Variants in CHPF2 observed in about 807,000 individuals in gnomAD.
CHPF2 encodes chondroitin polymerizing factor 2, non-catalytic subunit.
A neutral mutation model predicts 63.0 loss-of-function variants in CHPF2; 58 were observed. That is an observed-to-expected ratio of 0.92 (90% CI 0.75 to 1.15). CHPF2 has a LOEUF of 1.15. Among genes scored for constraint, CHPF2 ranks in the 50% most tolerant of loss-of-function variants. The pLI, the probability that CHPF2 is intolerant of heterozygous loss-of-function variation, is 0.00. For synonymous variants in CHPF2, 442 were observed against 438.0 expected (o/e 1.01, Z -0.11); for missense variants, 1,045 against 1,035.4 (o/e 1.01, Z -0.13).
In CHPF2 at chr7:151,237,967, C is replaced by T. The variant is rs1269230368; in HGVS notation, c.1605C>T (p.Gly535=). The T allele has an allele frequency of 1.2e-5, 20 of 1,613,172 alleles. No individual in the cohort carries two copies. The highest frequency in any genetic ancestry group is 1.5e-5 in the Non-Finnish European group (18 of 1,180,032). ...TGGTCTACGGGCCACGAGAAGGTGG[C>T]CGTGGAGCTCCAGACCCATTTCTTG... ...LLLVYGPREG[G]RGAPDPFLGV... The change falls in exon 4 of 4, where the codon GGC becomes GGT. Residue 535 remains glycine, a synonymous_variant. Transcript: ENST00000035307.
chr7:151,238,675 C>A lies in CHPF2; in HGVS notation c.2313C>A (p.Ser771Arg). Reference sequence around the variant, plus strand: ...TCTTTGAGCAGGAGCAGGCCAATAGCACTTAGCCCGCCTGGGGGCCCTAAC... The same window carrying A: ...TCTTTGAGCAGGAGCAGGCCAATAGAACTTAGCCCGCCTGGGGGCCCTAAC... ...MALFEQEQAN[S>R]T The change falls in exon 4 of 4, where the codon AGC (serine) becomes AGA (arginine). Residue 771 changes from serine (S) to arginine (R), a missense_variant. Physicochemically the swap from Ser to Arg is moderately radical, Grantham distance 110. Transcript: ENST00000035307. The A allele has an allele frequency of 6.2e-7, 1 of 1,608,788 alleles. No homozygotes were observed. The highest frequency in any genetic ancestry group is 2.2e-5 in the East Asian group (1 of 44,706).
chr7:151,235,132 G>C lies in CHPF2; in HGVS notation c.348G>C (p.Leu116Phe), dbSNP rs1257823484. ...VLTSRATLST[L>F]AVAVNRTVAH... ...CCTCCCGAGCTACACTGTCCACTTT[G>C]GCCGTGGCTGTGAACCGTACGGTGG... The change falls in exon 2 of 4, where the codon TTG becomes TTC. Residue 116 changes from leucine (L) to phenylalanine (F), a missense_variant. Transcript: ENST00000035307. 1.2e-5 allele frequency: 19 copies of C among 1,611,536 alleles called. No homozygotes were observed. The highest frequency in any genetic ancestry group is 1.5e-5 in the Non-Finnish European group (18 of 1,178,408).
intron 2 of CHPF2, 98 bp from the exon 3 acceptor site, chr7:151,236,310 C>T (rs1378503973): frequency 3.1e-5 from 33 of 1,065,880 alleles, no homozygotes; most frequent in Non-Finnish European, 4.2e-5. Context: ...TGTTCTAACG[C>T]AGCAGTGCTA....
rs1802517339 is a variant in CHPF2, at chr7:151,233,025, G to A, written c.-987G>A. 1 of 1,265,132 alleles carries A rather than the reference G, an allele frequency of 7.9e-7. No homozygotes were observed. Among genetic ancestry groups the A allele is most frequent in the Non-Finnish European group, 1.0e-6 (1 of 1,004,668 alleles). 78.4% of individuals were successfully genotyped at this position (1,265,132 alleles called of 1,614,324 possible). On this transcript the variant is annotated 5_prime_UTR_variant, in exon 1 of 4. Transcript: ENST00000035307. ...GGTAGCGCAGGGGCTGTGGGCCCCC[G>A]GCAGGGGTCCTGTCGGAAGCTGGCC...
At position 151,235,492 on chromosome 7, in the gene CHPF2, G is replaced by C. The variant is rs898145063; in HGVS notation, c.708G>C (p.Leu236=). ...GCTACCTGTTGTCACGGAGTCTCCT[G>C]CTTCGTCTGCGGCCACATCTGGATG... is the stretch of plus-strand genomic sequence containing the variant. The part of the protein sequence containing the change: ...GFGYLLSRSL[L]LRLRPHLDGC... Residue 236 remains leucine (L), a synonymous_variant, in exon 2 of 4, where the codon CTG becomes CTC. Coordinates refer to ENST00000035307, the MANE Select transcript of CHPF2 (RefSeq NM_019015.3). The C allele has an allele frequency of 3.1e-6, 5 of 1,611,310 alleles. No homozygotes were observed. The African/African-American group carries it at 6.7e-5, about 22-fold the overall frequency.
At position 151,235,351 on chromosome 7, in the gene CHPF2, C is replaced by T; in HGVS notation, c.567C>T (p.Ala189=). ...FIMQDDTYVQ[A]PRLAALAGHL... is the part of the protein sequence containing the mutation. Reference sequence around the variant, plus strand: ...TGCAGGATGACACATATGTGCAGGCCCCCCGCCTGGCAGCCCTTGCTGGCC... The same window carrying T: ...TGCAGGATGACACATATGTGCAGGCTCCCCGCCTGGCAGCCCTTGCTGGCC... The change falls in exon 2 of 4, where the codon GCC becomes GCT. Residue 189 remains alanine, a synonymous_variant. Transcript: ENST00000035307. 3 of 1,613,900 alleles carry T rather than the reference C, an allele frequency of 1.9e-6. No individual in the cohort carries two copies. Among genetic ancestry groups the T allele is most frequent in the Non-Finnish European group, 2.5e-6 (3 of 1,180,038 alleles).
In CHPF2 at chr7:151,237,851, G is replaced by A. The variant is rs375138900; in HGVS notation, c.1489G>A (p.Val497Met). Residue 497 changes from valine to methionine, a missense_variant, in exon 4 of 4, where the codon GTG becomes ATG. Physicochemically the swap from Val to Met is conservative, Grantham distance 21. Transcript: ENST00000035307. Reference sequence around the variant, plus strand: ...AGTGCAGCTGGTGCTGCCACTCCTGGTGGCTGAAGCTGCTGCAGCCCCGGC... The same window carrying A: ...AGTGCAGCTGGTGCTGCCACTCCTGATGGCTGAAGCTGCTGCAGCCCCGGC... ...TRVQLVLPLL[V>M]AEAAAAPAFL... 13 of 1,612,606 alleles carry A rather than the reference G, an allele frequency of 8.1e-6. No homozygotes were observed. Among genetic ancestry groups the A allele is most frequent in the Non-Finnish European group, 1.1e-5 (13 of 1,180,028 alleles).
At position 151,232,551 on chromosome 7, in the gene CHPF2, C is replaced by T. The variant is rs865803453; in HGVS notation, c.-1461C>T. The T allele has an allele frequency of 4.8e-5, 25 of 521,554 alleles. No homozygotes were observed. Among genetic ancestry groups the T allele is most frequent in the African/African-American group, 4.5e-4 (22 of 49,148 alleles). 32.3% of individuals were successfully genotyped at this position (521,554 alleles called of 1,614,324 possible). On this transcript the variant is annotated 5_prime_UTR_variant, in exon 1 of 4. Transcript: ENST00000035307. ...GCGGCGGAGCCGGCGCCTCAGCGGG[C>T]ACTGGGGTCTGTTCCCCCTTCCCCG...
chr7:151,235,741 T>G, intron 2 of CHPF2, 129 bp downstream of exon 2: 1 of 883,736 alleles, frequency 1.1e-6, no homozygotes, highest in African/African-American at 1.7e-5. Flanking sequence ...CTGTGGGCCC[T>G]CCGTTGCTCA....
At position 151,235,034 on chromosome 7, in the gene CHPF2, T is replaced by C; in HGVS notation, c.264-14T>C. On this transcript the variant is annotated splice_polypyrimidine_tract_variant and intron_variant, in intron 1 of 3. Transcript: ENST00000035307. ...ATTAGGGAGTTGACCTCTGGCACAC[T>C]GGTCTTTCCACAGGACTCGGTACAT... 1 of 1,522,918 alleles carries C rather than the reference T, an allele frequency of 6.6e-7. No individual in the cohort carries two copies. Among genetic ancestry groups the C allele is most frequent in the Non-Finnish European group, 8.8e-7 (1 of 1,133,004 alleles). 94.3% of individuals were successfully genotyped at this position (1,522,918 alleles called of 1,614,324 possible).
rs776967050 is a variant in CHPF2 at position 151,238,761 on chromosome 7, A to T, written c.*80A>T. The T allele has an allele frequency of 8.8e-6, 14 of 1,590,494 alleles. No homozygotes were observed. The highest frequency in any genetic ancestry group is 1.1e-5 in the Non-Finnish European group (13 of 1,171,510). The stretch of plus-strand genomic sequence containing the variant: ...AAGGGCAAGGCAAGATGGTGGACAG[A>T]TAGAGAATTGTTGCTGTATTTTTTA... On this transcript the variant is annotated 3_prime_UTR_variant, in exon 4 of 4. Transcript: ENST00000035307.
rs768979863 is a variant in CHPF2 at position 151,233,902 on chromosome 7, C to T, written c.-110C>T. ...CTCGCTCTGTCTTTGGCCTCATTGA[C>T]CCCAGGTTCTCTGGTTAAAACTGAA... On this transcript the variant is annotated 5_prime_UTR_variant, in exon 1 of 4. Transcript: ENST00000035307. The T allele has an allele frequency of 2.8e-5, 38 of 1,373,488 alleles. No individual in the cohort carries two copies. The highest frequency in any genetic ancestry group is 3.4e-5 in the Non-Finnish European group (36 of 1,065,888). 85.1% of individuals were successfully genotyped at this position (1,373,488 alleles called of 1,614,324 possible).
At position 151,233,576 on chromosome 7, in the gene CHPF2, T is replaced by G; in HGVS notation, c.-436T>G. On this transcript the variant is annotated 5_prime_UTR_variant, in exon 1 of 4. Coordinates refer to ENST00000035307, the MANE Select transcript of CHPF2 (RefSeq NM_019015.3). ...GCTCCTCTGGTTGGGGCTGTTGTTT[T>G]GATGGATCGTGTGCTTTTCCCTTAC... 1 of 987,702 alleles carries G rather than the reference T, an allele frequency of 1.0e-6. No homozygotes were observed. Among genetic ancestry groups the G allele is most frequent in the Non-Finnish European group, 1.2e-6 (1 of 831,554 alleles). The allele number at this position is 987,702 out of a possible 1,614,324, so 61.2% of individuals were successfully genotyped here. A position where few individuals can be genotyped will look rare whatever the true frequency, so the allele number is the denominator to read the frequency against.
At position 151,238,079 on chromosome 7, in the gene CHPF2, C is replaced by A. The variant is rs187198605; in HGVS notation, c.1717C>A (p.Gln573Lys). 2 of 1,612,418 alleles carry A rather than the reference C, an allele frequency of 1.2e-6. No individual in the cohort carries two copies. The highest frequency in any genetic ancestry group is 2.2e-5 in the South Asian group (2 of 91,088). Residue 573 changes from glutamine to lysine, a missense_variant, in exon 4 of 4, where the codon CAG (glutamine) becomes AAG (lysine). Gln to Lys is a moderately conservative substitution (Grantham distance 53, BLOSUM62 1). Coordinates refer to ENST00000035307, the MANE Select transcript of CHPF2 (RefSeq NM_019015.3). ...WLAVRAEAPSQVRLMDVVSKK... is the reference protein window; with the variant it reads ...WLAVRAEAPSKVRLMDVVSKK... ...CGCTGTGCGAGCAGAGGCCCCTTCCCAGGTGCGACTCATGGACGTGGTCTC... is the reference window on the plus strand; with the variant it reads ...CGCTGTGCGAGCAGAGGCCCCTTCCAAGGTGCGACTCATGGACGTGGTCTC...
Position 151,233,934 on chromosome 7 carries a change from C to G in CHPF2, c.-78C>G, listed in dbSNP as rs1308277730. On this transcript the variant is annotated 5_prime_UTR_variant, in exon 1 of 4. Coordinates refer to ENST00000035307, the MANE Select transcript of CHPF2 (RefSeq NM_019015.3). ...TTCTCTGGTTAAAACTGAAAGCCTA[C>G]TACTGGCCTGGTGCCCATCAATCCA... 1 of 1,432,178 alleles carries G rather than the reference C, an allele frequency of 7.0e-7. No individual in the cohort carries two copies. The highest frequency in any genetic ancestry group is 1.4e-5 in the African/African-American group (1 of 69,166). 88.7% of individuals were successfully genotyped at this position (1,432,178 alleles called of 1,614,324 possible). A position where few individuals can be genotyped will look rare whatever the true frequency, so the allele number is the denominator to read the frequency against.
chr7:151,237,419 G>C lies in CHPF2; in HGVS notation c.1057G>C (p.Gly353Arg). 1 of 1,610,912 alleles carries C rather than the reference G, an allele frequency of 6.2e-7. No individual in the cohort carries two copies. Among genetic ancestry groups the C allele is most frequent in the Non-Finnish European group, 8.5e-7 (1 of 1,177,614 alleles). The change falls in exon 4 of 4, where the codon GGG (glycine) becomes CGG (arginine). Residue 353 changes from glycine (G) to arginine (R), a missense_variant. Gly to Arg is a moderately radical substitution (Grantham distance 125). Coordinates refer to ENST00000035307, the MANE Select transcript of CHPF2 (RefSeq NM_019015.3). ...CGTGCTGACCCCCGAAGGGGAGGCA[G>C]GGCTGAGCTGGCCCGTTGGGCTCCC... ...LTVLTPEGEAGLSWPVGLPAP... is the reference protein window; with the variant it reads ...LTVLTPEGEARLSWPVGLPAP...
rs200380765 is a variant in CHPF2 at position 151,238,299 on chromosome 7, C to T, written c.1937C>T (p.Pro646Leu). 9.5e-4 allele frequency: 1,537 copies of T among 1,610,584 alleles called. 3 individuals carry two copies. The highest frequency in any genetic ancestry group is 1.2e-3 in the Non-Finnish European group (1,415 of 1,178,324). ...PPGPPGAGPD[P>L]PSPPGADPSR... The stretch of plus-strand genomic sequence containing the variant: ...GGGCCCCCGGGGGCTGGCCCTGACC[C>T]CCCCTCCCCTCCTGGTGCTGACCCC... The change falls in exon 4 of 4, where the codon CCC becomes CTC. Residue 646 changes from proline to leucine, a missense_variant. Pro to Leu is a moderately conservative substitution (Grantham distance 98). Transcript: ENST00000035307.
chr7:151,233,554 C>T lies in CHPF2; in HGVS notation c.-458C>T, dbSNP rs867632895. 14 of 986,582 alleles carry T rather than the reference C, an allele frequency of 1.4e-5. No homozygotes were observed. Among genetic ancestry groups the T allele is most frequent in the Middle Eastern group, 5.1e-4 (1 of 1,944 alleles). 61.1% of individuals were successfully genotyped at this position (986,582 alleles called of 1,614,324 possible). A position where few individuals can be genotyped will look rare whatever the true frequency, so the allele number is the denominator to read the frequency against. On this transcript the variant is annotated 5_prime_UTR_variant, in exon 1 of 4. Transcript: ENST00000035307. Reference sequence around the variant, plus strand: ...AGGCCCACTGAGGCAGGCTCCGGCTCCTCTGGTTGGGGCTGTTGTTTTGAT... The same window carrying T: ...AGGCCCACTGAGGCAGGCTCCGGCTTCTCTGGTTGGGGCTGTTGTTTTGAT...
Position 151,235,196 on chromosome 7 carries a change from C to CG in CHPF2, c.418dup (p.Ala140GlyfsTer15), listed in dbSNP as rs1354739659. ...TCGGTTACTCTACTTCACTGGGCAG[C>CG]GGGGGGCCCGGGCTCCAGCAGGGAT... On this transcript the variant is annotated frameshift_variant, in exon 2 of 4. Coordinates refer to ENST00000035307, the MANE Select transcript of CHPF2 (RefSeq NM_019015.3). LOFTEE classifies it high-confidence loss of function. 3 of 1,612,754 alleles carry CG rather than the reference C, an allele frequency of 1.9e-6. No individual in the cohort carries two copies. The highest frequency in any genetic ancestry group is 1.3e-5 in the African/African-American group (1 of 74,912).
Sources: gnomAD v4.1 joint callset for allele counts on GRCh38, gnomAD v4.1.1 for gene constraint, MANE v1.5 for transcripts, NCBI Gene and HGNC (gene_info 2026-07-23, HGNC 2026-07-21) for gene names.